OLFM1: variants seen among roughly 807,000 people sequenced by gnomAD.
OLFM1 encodes olfactomedin 1, also known as noelin.
Under a neutral mutation model 49.7 loss-of-function variants are expected in OLFM1, and 9 were observed. The ratio of observed to expected loss-of-function variants is 0.18; its 90% confidence interval spans 0.11 to 0.32. OLFM1 has a LOEUF of 0.32. OLFM1 is among the 10% of genes least tolerant of loss of function. The pLI is 1.00. For synonymous variants in OLFM1, 240 were observed against 271.8 expected (o/e 0.88, Z 1.15); for missense variants, 369 against 661.8 (o/e 0.56, Z 4.85).
chr9:135,082,574 A>G (rs1830546595), intron 1 of OLFM1, among the ~76,000 whole-genome samples: 1 of 152,134 alleles, frequency 6.6e-6, no homozygotes, highest in Non-Finnish European at 1.5e-5. Context: ...ATTTACCAAC[A>G]ATTTGGCTGT....
rs1831172569 is a variant in OLFM1 at position 135,120,519 on chromosome 9, T to C, written c.*341T>C. The C allele has an allele frequency of 3.4e-6, 1 of 298,132 alleles. No individual in the cohort carries two copies. The highest frequency in any genetic ancestry group is 4.8e-5 in the Admixed American group (1 of 20,732). 18.5% of individuals were successfully genotyped at this position (298,132 alleles called of 1,614,324 possible). On this transcript the variant is annotated 3_prime_UTR_variant, in exon 6 of 6. Transcript: ENST00000371793. The stretch of plus-strand genomic sequence containing the variant: ...ACCGGGGAAAAACCCACTGTTAGGA[T>C]GGCATGAACATTTCCTTAGATCGTG...
At chr9:135,081,479 G>A (rs953164087) in intron 1 of OLFM1, among the ~76,000 whole-genome samples, 1 of 152,116 alleles carries the variant, frequency 6.6e-6, no homozygotes, top group African/African-American at 2.4e-5. Flanking sequence ...AGGGCAAGAA[G>A]GAGGGGGTCC....
At chr9:135,079,304 C>T (rs1830504543) in intron 1 of OLFM1, among the ~76,000 whole-genome samples, 1 of 152,178 alleles carries the variant, frequency 6.6e-6, no homozygotes, top group African/African-American at 2.4e-5. Flanking sequence ...CACCTGGGTC[C>T]ACTAGTGAGC....
intron 1 of OLFM1, chr9:135,076,515 T>G (rs1201781053): frequency 7.8e-7 from 1 of 1,278,926 alleles, no homozygotes; most frequent in African/African-American, 1.5e-5. Context: ...ATTTTAAAGA[T>G]GCATATTGGA....
Position 135,106,852 on chromosome 9 carries a change from C to T in OLFM1, c.780C>T (p.Asn260=), listed in dbSNP as rs1280241337. The T allele has an allele frequency of 3.1e-6, 5 of 1,606,662 alleles. No homozygotes were observed. The African/African-American group carries it at 6.7e-5, about 21-fold the overall frequency. ...MTDPLAPEGD[N]RVWYMDGYHN... Reference sequence around the variant, plus strand: ...ACCCTCTCGCCCCTGAAGGCGATAACCGGGTGAGTGTCCCCTTATGTCATA... The same window carrying T: ...ACCCTCTCGCCCCTGAAGGCGATAATCGGGTGAGTGTCCCCTTATGTCATA... Residue 260 remains asparagine, a synonymous_variant, in exon 5 of 6, where the codon AAC becomes AAT. Coordinates refer to ENST00000371793, the MANE Select transcript of OLFM1 (RefSeq NM_001282611.2).
Position 135,106,841 on chromosome 9 carries a change from G to C in OLFM1, c.769G>C (p.Glu257Gln). ...GSWMTDPLAPEGDNRVWYMDG... is the reference protein window; with the variant it reads ...GSWMTDPLAPQGDNRVWYMDG... ...CTGGATGACAGACCCTCTCGCCCCT[G>C]AAGGCGATAACCGGGTGAGTGTCCC... is the stretch of plus-strand genomic sequence containing the variant. Residue 257 changes from glutamate to glutamine, a missense_variant, in exon 5 of 6, where the codon GAA (glutamate) becomes CAA (glutamine). Glu to Gln is a conservative substitution (Grantham distance 29, BLOSUM62 2). Transcript: ENST00000371793. 6.2e-7 allele frequency: 1 copy of C among 1,610,522 alleles called. No homozygotes were observed. The highest frequency in any genetic ancestry group is 8.5e-7 in the Non-Finnish European group (1 of 1,178,570).
At chr9:135,109,575 C>T (rs1830993456) in intron 5 of OLFM1, among the ~76,000 whole-genome samples, 1 of 152,150 alleles carries the variant, frequency 6.6e-6, no homozygotes, top group Non-Finnish European at 1.5e-5. Context: ...ACGCTCAGCA[C>T]AGCCTCCAAC....
Position 135,117,497 on chromosome 9 carries a change from G to T in OLFM1, c.784-2007G>T, listed in dbSNP as rs573609118. Among the ~76,000 whole-genome samples, 1 of 152,202 alleles carries T rather than the reference G, an allele frequency of 6.6e-6. No individual in the cohort carries two copies. The highest frequency in any genetic ancestry group is 1.9e-4 in the East Asian group (1 of 5,198). The stretch of plus-strand genomic sequence containing the variant: ...CTTGTTGGGATATGGGAGCTGGCCC[G>T]CCCCGGTGACTTTGAGAGTCGATCC... On this transcript the variant is annotated intron_variant, in intron 5 of 5. Transcript: ENST00000371793. This position sits in a 1 kb window ranked among gnomAD's most constrained non-coding sequence, Gnocchi z 5.5.
intron 5 of OLFM1, among the ~76,000 whole-genome samples, chr9:135,111,199 G>A (rs2119136112): frequency 6.6e-6 from 1 of 152,356 alleles, no homozygotes; most frequent in Non-Finnish European, 1.5e-5. Flanking sequence ...TCCCCTGAAA[G>A]CATGGTATTT....
chr9:135,075,535 T>C (rs1830450501), exon 1 of OLFM1: 2 of 308,966 alleles, frequency 6.5e-6, no homozygotes, highest in African/African-American at 2.3e-5. Flanking sequence ...GCGATAAATA[T>C]GCAGAGCGGA....
In OLFM1 at chr9:135,098,789, G is replaced by A. The variant is rs554434986; in HGVS notation, c.676+284G>A. 1.2e-3 allele frequency among the ~76,000 whole-genome samples: 179 copies of A among 152,344 alleles called. 1 individual carries two copies. The highest frequency in any genetic ancestry group is 3.4e-3 in the Middle Eastern group (1 of 294). On this transcript the variant is annotated intron_variant, in intron 4 of 5. Coordinates refer to ENST00000371793, the MANE Select transcript of OLFM1 (RefSeq NM_001282611.2). This position sits in a 1 kb window ranked among gnomAD's most constrained non-coding sequence, Gnocchi z 5.6. ...ATACCATCTGGCAGATTGTGTGTGT[G>A]TGTGTGAATCGTATGTGTGTGTGCA...
chr9:135,119,506 G>A lies in OLFM1; in HGVS notation c.786G>A (p.Val262=), dbSNP rs535424317. The A allele has an allele frequency of 1.9e-6, 3 of 1,598,886 alleles. No individual in the cohort carries two copies. Among genetic ancestry groups the A allele is most frequent in the East Asian group, 2.2e-5 (1 of 44,788 alleles). The change falls in exon 6 of 6, where the codon GTG becomes GTA. Residue 262 remains valine (V), a splice_region_variant and synonymous_variant. Transcript: ENST00000371793. The stretch of plus-strand genomic sequence containing the variant: ...CACCGGGTCTGCTCTCTCCACAGGT[G>A]TGGTACATGGACGGCTATCACAACA... ...DPLAPEGDNR[V]WYMDGYHNNR...
intron 2 of OLFM1, among the ~76,000 whole-genome samples, 181 bp downstream of exon 2, chr9:135,090,525 C>CGGATGGGT (rs79943224): frequency 0.034 from 5,089 of 151,260 alleles, 166 homozygotes; most frequent in African/African-American, 0.083. Context: ...GGTGGATGGA[C>CGGATGGGT]GGATGGGTGG....
At position 135,119,952 on chromosome 9, in the gene OLFM1, C is replaced by T. The variant is rs767622547; in HGVS notation, c.1232C>T (p.Thr411Met). ...GGGGAGGCCTTCATCATCTGCGGCA[C>T]GCTGTACGTCACCAACGGCTACTCA... ...SAGEAFIICG[T>M]LYVTNGYSGG... Residue 411 changes from threonine (T) to methionine (M), a missense_variant, in exon 6 of 6, where the codon ACG becomes ATG. Transcript: ENST00000371793. The T allele has an allele frequency of 8.7e-6, 14 of 1,613,558 alleles. No individual in the cohort carries two copies. Among genetic ancestry groups the T allele is most frequent in the African/African-American group, 1.3e-5 (1 of 74,932 alleles).
intron 4 of OLFM1, among the ~76,000 whole-genome samples, chr9:135,099,190 T>C (rs181867024): frequency 2.2e-3 from 332 of 152,340 alleles, no homozygotes; most frequent in African/African-American, 7.6e-3. Context: ...AAATAGCACA[T>C]TTCAAATCCC....
At chr9:135,076,086 A>G in intron 1 of OLFM1, 1 of 1,508,676 alleles carries the variant, frequency 6.6e-7, no homozygotes, top group Admixed American at 2.1e-5. Context: ...CCCTGCTGAG[A>G]AGTTCAAAGG....
chr9:135,091,629 A>G (rs1001255233), intron 2 of OLFM1, among the ~76,000 whole-genome samples: 6 of 149,640 alleles, frequency 4.0e-5, no homozygotes, highest in Non-Finnish European at 8.9e-5. Context: ...ACACACACTC[A>G]CATAGTCACA....
At chr9:135,104,964 G>A (rs1225048548) in intron 4 of OLFM1, among the ~76,000 whole-genome samples, 1 of 152,102 alleles carries the variant, frequency 6.6e-6, no homozygotes, top group African/African-American at 2.4e-5. Flanking sequence ...CTTACTTCTC[G>A]TCCCCATAGA....
upstream of OLFM1, among the ~76,000 whole-genome samples, chr9:135,086,124 G>T (rs1564267676): frequency 6.6e-6 from 1 of 152,210 alleles, no homozygotes; most frequent in Non-Finnish European, 1.5e-5. Context: ...CCTTGAATCG[G>T]TGTTAAACAT....
Sources: gnomAD v4.1 joint callset for allele counts (sites outside exome capture counted in the v4.1 genomes callset) on GRCh38, gnomAD v4.1.1 for gene constraint, Gnocchi (gnomAD v3.1) non-coding constraint, MANE v1.5 for transcripts, NCBI Gene and HGNC (gene_info 2026-07-23, HGNC 2026-07-21) for gene names.